Variants in RRBP1 observed in about 807,000 individuals in gnomAD.
RRBP1 encodes the protein ribosome binding protein 1, also known as ribosome-binding protein 1.
RRBP1 carries 94 observed loss-of-function variants against 165.2 expected under a neutral mutation model. The ratio of observed to expected loss-of-function variants is 0.57; its 90% CI spans 0.48 to 0.68. The LOEUF is 0.68. Among genes scored for constraint, RRBP1 ranks in the 30% least tolerant of loss-of-function variants. RRBP1 has a pLI of 0.00. For missense variants in RRBP1, 1,676 were observed against 1,763.0 expected, an observed-to-expected ratio of 0.95 and a Z score of 0.88; for synonymous variants, 680 against 714.5, an observed-to-expected ratio of 0.95 and a Z score of 0.77.
In RRBP1 at chr20:17,629,825, G is replaced by T. The variant is rs148845989; in HGVS notation, c.2747C>A (p.Ala916Asp). 4 of 1,596,728 alleles carry T rather than the reference G, an allele frequency of 2.5e-6. No individual in the cohort carries two copies. Among genetic ancestry groups the T allele is most frequent in the Non-Finnish European group, 2.5e-6 (3 of 1,178,200 alleles). ...EKAQEQQQQMAELHSKLQSSE... is the reference protein window; with the variant it reads ...EKAQEQQQQMDELHSKLQSSE... ...GGCCCCACTGCCGCCGCCCTTACCG[G>T]CCATCTGCTGCTGTTGCTCCTGGGC... The change falls in exon 9 of 25, where the codon GCC (alanine) becomes GAC (aspartate). Residue 916 changes from alanine (A) to aspartate (D), a missense_variant and splice_region_variant. Coordinates refer to ENST00000377813, the MANE Select transcript of RRBP1 (RefSeq NM_001365613.2).
At chr20:17,621,823 T>C (rs2035919707) in intron 14 of RRBP1, 32 bp downstream of exon 14, 5 of 1,611,624 alleles carry the variant, frequency 3.1e-6, no homozygotes, top group Middle Eastern at 1.7e-4. Context: ...CTGAGAACTG[T>C]GAGGTCCCCG....
chr20:17,651,688 G>A (rs1269243254), intron 3 of RRBP1, among the ~76,000 whole-genome samples: 1 of 152,160 alleles, frequency 6.6e-6, no homozygotes, highest in Non-Finnish European at 1.5e-5. Flanking sequence ...TGATTGGGAT[G>A]GAGCAAAAAG....
chr20:17,624,237 C>T (rs941147385), intron 13 of RRBP1, among the ~76,000 whole-genome samples: 7 of 152,298 alleles, frequency 4.6e-5, no homozygotes, highest in South Asian at 2.1e-4. Context: ...CGGGGTCTGG[C>T]GTGGACTCAG....
At chr20:17,639,894 CAAAAA>C (rs11476981) in intron 5 of RRBP1, among the ~76,000 whole-genome samples, 2 of 98,788 alleles carry the variant, frequency 2.0e-5, no homozygotes. Context: ...ACTCCAGTCT[CAAAAA>C]AAAAAAAAAA....
chr20:17,621,887 G>C lies in RRBP1; in HGVS notation c.3208C>G (p.Leu1070Val), dbSNP rs1209095235. ...GCCAAGACAGAGAGTTCTGGGAGCA[G>C]AGCCAGCAGGGCCTCCATGGTCTGC... ...EAQTMEALLA[L>V]LPELSVLAQQ... The change falls in exon 14 of 25, where the codon CTG becomes GTG. Residue 1070 changes from leucine (L) to valine (V), a missense_variant. By Grantham distance (32) the Leu-to-Val change is conservative (BLOSUM62 1). This residue lies in a region of RRBP1 where 1,184 missense variants were observed against 1,167.1 expected (regional missense o/e 1.01). Coordinates refer to ENST00000377813, the MANE Select transcript of RRBP1 (RefSeq NM_001365613.2). The C allele has an allele frequency of 6.2e-7, 1 of 1,613,928 alleles. No individual in the cohort carries two copies. The highest frequency in any genetic ancestry group is 1.1e-5 in the South Asian group (1 of 91,086).
chr20:17,642,206 C>G (rs1412048501), intron 4 of RRBP1, among the ~76,000 whole-genome samples: 1 of 152,248 alleles, frequency 6.6e-6, no homozygotes. Context: ...TGAGGGGCAG[C>G]TGGCCACCAT....
At chr20:17,621,663 G>C (rs752300779) in intron 15 of RRBP1, 27 bp downstream of exon 15, 1 of 1,610,818 alleles carries the variant, frequency 6.2e-7, no homozygotes, top group Non-Finnish European at 8.5e-7. Context: ...GCCCAACAGA[G>C]GAGCCTTGCC....
intron 2 of RRBP1, among the ~76,000 whole-genome samples, chr20:17,661,067 C>T (rs538393810): frequency 6.6e-6 from 1 of 152,288 alleles, no homozygotes; most frequent in East Asian, 1.9e-4. Context: ...GTGAAATTGA[C>T]TGATTTAAAA....
At chr20:17,632,016 A>C (rs991735184) in intron 8 of RRBP1, among the ~76,000 whole-genome samples, 5 of 152,358 alleles carry the variant, frequency 3.3e-5, no homozygotes, top group African/African-American at 1.2e-4. Context: ...TGGGTGTAAT[A>C]GCATGGTTAA....
intron 3 of RRBP1, among the ~76,000 whole-genome samples, chr20:17,651,033 CAG>C (rs1453522240): frequency 2.0e-5 from 3 of 152,238 alleles, no homozygotes; most frequent in Non-Finnish European, 2.9e-5. Context: ...CGTCAGCTGA[CAG>C]TACCCGGAAC....
intron 3 of RRBP1, among the ~76,000 whole-genome samples, chr20:17,646,610 C>T (rs60595936): frequency 2.1e-3 from 317 of 152,330 alleles, no homozygotes; most frequent in African/African-American, 6.7e-3. Flanking sequence ...CGCAGGGTAA[C>T]GCACAGCAAA....
chr20:17,640,072 G>A (rs1043901027), intron 5 of RRBP1, among the ~76,000 whole-genome samples: 4 of 152,134 alleles, frequency 2.6e-5, no homozygotes, highest in South Asian at 4.1e-4. Context: ...CCTCAGCTGC[G>A]AGGTGGCCTG....
Position 17,619,352 on chromosome 20 carries a change from C to T in RRBP1, c.3675+281G>A, listed in dbSNP as rs550667033. The T allele has an allele frequency of 1.4e-4, 52 of 360,494 alleles. No homozygotes were observed. In the East Asian group the frequency reaches 1.9e-3, roughly 13 times the overall value. The allele number at this position is 360,494 out of a possible 1,614,324, so 22.3% of individuals were successfully genotyped here. A position where few individuals can be genotyped will look rare whatever the true frequency, so the allele number is the denominator to read the frequency against. ...GCAAGCCAGGCAGAGAATCCCCTTG[C>T]GGAGGGATAACCTAGAACGTCAAAC... is the stretch of plus-strand genomic sequence containing the variant. On this transcript the variant is annotated intron_variant, in intron 19 of 24. Coordinates refer to ENST00000377813, the MANE Select transcript of RRBP1 (RefSeq NM_001365613.2).
rs75228705 is a variant in RRBP1, at chr20:17,670,093, G to A, written c.-21-9565C>T. Among the ~76,000 whole-genome samples the A allele has an allele frequency of 4.0e-3, 604 of 152,194 alleles. 8 individuals are homozygous for A. Among genetic ancestry groups the A allele is most frequent in the African/African-American group, 0.014 (566 of 41,536 alleles). On this transcript the variant is annotated intron_variant, in intron 2 of 24. Transcript: ENST00000377813. ...AGACATCCTTTATCAGGATAAAGAG[G>A]TTGCTTTCTTATTCCTAGTTTACAT...
chr20:17,617,073 C>G (rs914900678), intron 20 of RRBP1, among the ~76,000 whole-genome samples: 8 of 152,222 alleles, frequency 5.3e-5, no homozygotes, highest in African/African-American at 1.9e-4. Context: ...GCTCCAAGCC[C>G]AACCGGAGGG....
chr20:17,641,608 C>A (rs972018404), intron 5 of RRBP1, 189 bp downstream of exon 5: 2 of 685,688 alleles, frequency 2.9e-6, no homozygotes, highest in African/African-American at 3.6e-5. Context: ...CGAGCACTGC[C>A]AAGGGTGAGC....
intron 2 of RRBP1, among the ~76,000 whole-genome samples, chr20:17,661,588 T>A (rs1238256197): frequency 6.6e-6 from 1 of 152,040 alleles, no homozygotes; most frequent in Non-Finnish European, 1.5e-5. Flanking sequence ...CTCCAGGAGG[T>A]GTATTTATTT....
chr20:17,618,903 G>A (rs949933350), intron 19 of RRBP1: 12 of 545,334 alleles, frequency 2.2e-5, no homozygotes, highest in Non-Finnish European at 3.0e-5. Flanking sequence ...ACCTCTTTCA[G>A]GCCTTCACAA....
At chr20:17,639,379 C>T (rs981029312) in intron 5 of RRBP1, among the ~76,000 whole-genome samples, 2 of 152,182 alleles carry the variant, frequency 1.3e-5, no homozygotes, top group South Asian at 2.1e-4. Context: ...AGCATCAGAC[C>T]CCAAGAAACA....
Sources: gnomAD v4.1 joint callset for allele counts (sites outside exome capture counted in the v4.1 genomes callset) on GRCh38, gnomAD v4.1.1 for gene constraint, gnomAD v4.1.1 regional missense constraint, MANE v1.5 for transcripts, NCBI Gene and HGNC (gene_info 2026-07-23, HGNC 2026-07-21) for gene names.